The following GRB10 variants were observed in gnomAD, a reference collection of about 807,000 sequenced individuals.
GRB10 encodes the protein growth factor receptor-bound protein 10.
GRB10 carries 20 observed loss-of-function variants against 80.9 expected under a neutral mutation model. The observed-to-expected ratio is 0.25, with a 90% CI of 0.17 to 0.36. The LOEUF (loss-of-function observed/expected upper bound fraction) is 0.36, where lower values mean the gene tolerates loss of function less well. Ranked by LOEUF, GRB10 falls within the 10% of genes least tolerant of loss-of-function variation. GRB10 has a pLI of 1.00. For synonymous variants in GRB10, 291 were observed against 291.5 expected (o/e 1.00, Z 0.02); for missense variants, 548 against 747.7 (o/e 0.73, Z 3.12).
At chr7:50,707,761 T>G (rs1310651804) in intron 4 of GRB10, among the ~76,000 whole-genome samples, 1 of 152,208 alleles carries the variant, frequency 6.6e-6, no homozygotes, top group South Asian at 2.1e-4. Context: ...ACCCAGGGCC[T>G]GCACAGCCCT....
intron 13 of GRB10, among the ~76,000 whole-genome samples, chr7:50,608,964 CAAA>C (rs60832218): frequency 0.035 from 3,537 of 100,368 alleles, 45 homozygotes; most frequent in Middle Eastern, 0.098. Flanking sequence ...GACCCTGACT[CAAA>C]AAAAAAAAAA....
intron 2 of GRB10, among the ~76,000 whole-genome samples, chr7:50,768,716 G>A (rs1326156228): frequency 6.6e-6 from 1 of 152,180 alleles, no homozygotes; most frequent in Non-Finnish European, 1.5e-5. Context: ...CTTGTGGCAA[G>A]CATGACCGAC....
intron 4 of GRB10, among the ~76,000 whole-genome samples, chr7:50,723,142 T>C (rs2068022359): frequency 6.6e-6 from 1 of 152,200 alleles, no homozygotes; most frequent in East Asian, 1.9e-4. Context: ...ATAGCTATTT[T>C]TTCACAATAC....
intron 4 of GRB10, among the ~76,000 whole-genome samples, chr7:50,708,782 TC>T (rs1471936820): frequency 1.3e-4 from 20 of 149,454 alleles, no homozygotes; most frequent in African/African-American, 4.9e-4. Context: ...TTCAAGCAAT[TC>T]CCCTGCCTCA....
chr7:50,697,642 T>A (rs145420410), intron 5 of GRB10, among the ~76,000 whole-genome samples: 64 of 152,370 alleles, frequency 4.2e-4, no homozygotes, highest in Non-Finnish European at 7.5e-4. Flanking sequence ...TGGCAGCATC[T>A]GATTATGCCT....
At chr7:50,656,581 G>A (rs2058669519) in intron 7 of GRB10, among the ~76,000 whole-genome samples, 1 of 152,230 alleles carries the variant, frequency 6.6e-6, no homozygotes, top group African/African-American at 2.4e-5. Flanking sequence ...GGCTTGCTAA[G>A]GTGTCTGCGG....
At chr7:50,719,968 C>A (rs145357495) in intron 4 of GRB10, among the ~76,000 whole-genome samples, 2 of 152,106 alleles carry the variant, frequency 1.3e-5, no homozygotes, top group African/African-American at 4.8e-5. Context: ...TTCTGCCCCC[C>A]ACTCCAGCTG....
At chr7:50,746,833 G>GGCGTGGA (rs2073005562) in intron 3 of GRB10, among the ~76,000 whole-genome samples, 1 of 152,008 alleles carries the variant, frequency 6.6e-6, no homozygotes, top group African/African-American at 2.4e-5. Flanking sequence ...CTGTCCCTGC[G>GGCGTGGA]TGAGCCATTC....
At chr7:50,733,217 T>C (rs2070192118) in intron 3 of GRB10, among the ~76,000 whole-genome samples, 1 of 152,088 alleles carries the variant, frequency 6.6e-6, no homozygotes, top group African/African-American at 2.4e-5. Flanking sequence ...CTTGAGAAAA[T>C]GAACATCTGC....
chr7:50,736,314 A>G (rs1259886947), intron 3 of GRB10, among the ~76,000 whole-genome samples: 1 of 152,136 alleles, frequency 6.6e-6, no homozygotes, highest in African/African-American at 2.4e-5. Context: ...AAAATGAACA[A>G]TAACAAAAAA....
chr7:50,632,252 T>C (rs1350488826), intron 7 of GRB10, among the ~76,000 whole-genome samples: 1 of 152,226 alleles, frequency 6.6e-6, no homozygotes, highest in Non-Finnish European at 1.5e-5. Context: ...AGAACACGCA[T>C]AATAATCCTG....
chr7:50,597,278 C>CAA (rs1294577083), intron 17 of GRB10, among the ~76,000 whole-genome samples: 1 of 152,198 alleles, frequency 6.6e-6, no homozygotes. Context: ...AAACACCGAT[C>CAA]AGAATGGGAT....
intron 7 of GRB10, among the ~76,000 whole-genome samples, chr7:50,661,876 GGA>G (rs1432004834): frequency 3.9e-5 from 6 of 152,316 alleles, no homozygotes; most frequent in Non-Finnish European, 7.4e-5. Context: ...CTGCCGTTGT[GGA>G]GAGAGGACAA....
In GRB10 at chr7:50,593,070, C is replaced by G. The variant is rs780795259; in HGVS notation, c.1667G>C (p.Ser556Thr). ...PCEDDGQTFFSLDDGNTKFSD... is the reference protein window; with the variant it reads ...PCEDDGQTFFTLDDGNTKFSD... ...GAATTTGGTGTTCCCGTCATCTAGG[C>G]TGAAGAACGTCTGCCCGTCGTCCTC... The change falls in exon 19 of 19, where the codon AGC (serine) becomes ACC (threonine). Residue 556 changes from serine to threonine, a missense_variant. Ser to Thr is a moderately conservative substitution (Grantham distance 58, BLOSUM62 1). Transcript: ENST00000401949. 1.1e-5 allele frequency: 17 copies of G among 1,614,086 alleles called. 1 individual carries two copies. The South Asian group carries it at 1.5e-4, about 15-fold the overall frequency.
chr7:50,697,753 G>T (rs2063626003), intron 5 of GRB10, among the ~76,000 whole-genome samples: 1 of 152,182 alleles, frequency 6.6e-6, no homozygotes, highest in Admixed American at 6.5e-5. Context: ...AGTTGAACTT[G>T]GTGTCAGGCA....
intron 5 of GRB10, among the ~76,000 whole-genome samples, chr7:50,684,332 A>T (rs981792551): frequency 1.4e-5 from 2 of 142,164 alleles, no homozygotes; most frequent in East Asian, 2.0e-4. Flanking sequence ...TTCCAGTGAG[A>T]TTTTTTTTTT....
Position 50,605,398 on chromosome 7 carries a change from G to A in GRB10, c.1281C>T (p.Val427=), listed in dbSNP as rs1206123336. 1 of 1,613,690 alleles carries A rather than the reference G, an allele frequency of 6.2e-7. No individual in the cohort carries two copies. The highest frequency in any genetic ancestry group is 1.7e-5 in the Admixed American group (1 of 60,034). Reference sequence around the variant, plus strand: ...CCATTGCCACGAGGGAGTTCTCGGAGACACTGCGCTGAAAAGGAAAGGCCG... The same window carrying A: ...CCATTGCCACGAGGGAGTTCTCGGAAACACTGCGCTGAAAAGGAAAGGCCG... ...LSPFSTPVRS[V]SENSLVAMDF... The change falls in exon 15 of 19, where the codon GTC becomes GTT. Residue 427 remains valine, a synonymous_variant. Transcript: ENST00000401949.
chr7:50,788,363 T>C (rs1003945994), intron 1 of GRB10, among the ~76,000 whole-genome samples: 25 of 152,138 alleles, frequency 1.6e-4, no homozygotes, highest in Non-Finnish European at 3.2e-4. Context: ...TCGACTCCCA[T>C]GTGAAAGGAC....
At chr7:50,783,447 C>CA (rs75526063), upstream of GRB10, among the ~76,000 whole-genome samples, 4 of 122,474 alleles carry the variant, frequency 3.3e-5, no homozygotes, top group African/African-American at 6.3e-5. Context: ...CACACACACA[C>CA]CACACACATC....
Sources: gnomAD v4.1 joint callset for allele counts (sites outside exome capture counted in the v4.1 genomes callset) on GRCh38, gnomAD v4.1.1 for gene constraint, MANE v1.5 for transcripts, NCBI Gene and HGNC (gene_info 2026-07-23, HGNC 2026-07-21) for gene names.